Variants in ZFHX3 observed in about 807,000 individuals in gnomAD.
ZFHX3 encodes the protein zinc finger homeobox 3.
In ZFHX3, 42 loss-of-function variants were observed where a neutral mutation model predicts 279.1. The ratio of observed to expected loss-of-function variants is 0.15; its 90% CI spans 0.12 to 0.19. The LOEUF is 0.19. ZFHX3 is among the 10% of genes least tolerant of loss of function. ZFHX3 has a pLI of 1.00. For synonymous variants in ZFHX3, 2,293 were observed against 1,957.8 expected, an observed-to-expected ratio of 1.17 and a Z score of -4.52; for missense variants, 4,981 against 4,754.0, an observed-to-expected ratio of 1.05 and a Z score of -1.40.
rs529255176 is a variant in ZFHX3, at chr16:72,806,605, C to T, written c.3864+4972G>A. ...GAGCTGGTACCCAGGTGGGTGCAAC[C>T]GCCCCCAGGCCAGTGGCTGCCCTAG... is the stretch of plus-strand genomic sequence containing the variant. On this transcript the variant is annotated intron_variant, in intron 7 of 9. Coordinates refer to ENST00000268489, the MANE Select transcript of ZFHX3 (RefSeq NM_006885.4). 1.4e-4 allele frequency among the ~76,000 whole-genome samples: 21 copies of T among 152,188 alleles called. No individual in the cohort carries two copies. The South Asian group carries it at 2.5e-3, about 18-fold the overall frequency.
chr16:73,718,509 A>G (rs920924463), intron 1 of ZFHX3, among the ~76,000 whole-genome samples: 1 of 152,176 alleles, frequency 6.6e-6, no homozygotes, highest in Non-Finnish European at 1.5e-5. Context: ...ATTTAGAGGG[A>G]CTAAAATCTA....
intron 1 of ZFHX3, among the ~76,000 whole-genome samples, chr16:73,039,116 T>TG (rs1302238735): frequency 3.1e-5 from 4 of 130,748 alleles, no homozygotes; most frequent in African/African-American, 1.1e-4. Flanking sequence ...GCCTAGCTAA[T>TG]TAAAAAAAAA....
chr16:73,056,998 G>C (rs981064236), intron 1 of ZFHX3, among the ~76,000 whole-genome samples: 4 of 152,110 alleles, frequency 2.6e-5, no homozygotes, highest in African/African-American at 9.7e-5. Context: ...ACAGCCAAGC[G>C]ATCACCGTCT....
upstream of ZFHX3, among the ~76,000 whole-genome samples, chr16:73,051,137 C>T (rs1965442548): frequency 2.6e-5 from 4 of 152,314 alleles, no homozygotes; most frequent in South Asian, 4.1e-4. Context: ...CACAGTACAG[C>T]GGGTTTAGAC....
At chr16:72,976,885 G>C (rs1962371986) in intron 1 of ZFHX3, among the ~76,000 whole-genome samples, 1 of 151,616 alleles carries the variant, frequency 6.6e-6, no homozygotes, top group Non-Finnish European at 1.5e-5. Flanking sequence ...AACTCCGCCA[G>C]TGCCCCGGGA....
intron 3 of ZFHX3, among the ~76,000 whole-genome samples, chr16:73,433,319 C>G (rs903953466): frequency 2.0e-5 from 3 of 152,188 alleles, no homozygotes; most frequent in African/African-American, 4.8e-5. Context: ...CCATTAGTCA[C>G]TTGCTTGAGG....
chr16:73,689,543 C>T (rs2053125412), intron 1 of ZFHX3, among the ~76,000 whole-genome samples: 1 of 152,170 alleles, frequency 6.6e-6, no homozygotes, highest in Admixed American at 6.5e-5. Flanking sequence ...CTTCCTCTTG[C>T]CCCTCCCCCC....
chr16:73,401,193 G>C (rs528719433), intron 3 of ZFHX3: 2 of 152,170 alleles, frequency 1.3e-5, no homozygotes, highest in East Asian at 3.9e-4. Context: ...GGCAGGGCTT[G>C]TGAAATTGCT....
intron 7 of ZFHX3, among the ~76,000 whole-genome samples, chr16:73,097,002 G>C (rs75528101): frequency 0.069 from 10,504 of 151,838 alleles, 1,110 homozygotes; most frequent in African/African-American, 0.22. Flanking sequence ...TTTTTTCTTT[G>C]CATCTCATCT....
At chr16:72,935,994 G>A (rs184631973) in intron 3 of ZFHX3, among the ~76,000 whole-genome samples, 33 of 152,272 alleles carry the variant, frequency 2.2e-4, no homozygotes, top group African/African-American at 6.0e-4. Flanking sequence ...GAATTTGGGC[G>A]GACAGAGCCG....
chr16:73,668,732 C>G (rs1781679889), intron 2 of ZFHX3, among the ~76,000 whole-genome samples: 1 of 151,794 alleles, frequency 6.6e-6, no homozygotes, highest in South Asian at 2.1e-4. Flanking sequence ...AAAAAACAAC[C>G]CCATCAAAAA....
chr16:73,636,844 TA>T (rs2052531149), intron 2 of ZFHX3, among the ~76,000 whole-genome samples: 1 of 152,170 alleles, frequency 6.6e-6, no homozygotes, highest in African/African-American at 2.4e-5. Flanking sequence ...AATTAATCTA[TA>T]ACTTTAGTAT....
chr16:73,740,615 C>A (rs1263680777), intron 1 of ZFHX3, among the ~76,000 whole-genome samples: 1 of 152,118 alleles, frequency 6.6e-6, no homozygotes, highest in Non-Finnish European at 1.5e-5. Flanking sequence ...GCTTTGAATG[C>A]CCTACAAAAA....
Position 72,787,638 on chromosome 16 carries a change from T to A in ZFHX3, c.10638A>T (p.Gln3546His). Residue 3546 changes from glutamine to histidine, a missense_variant, in exon 10 of 10, where the codon CAA becomes CAT. Physicochemically the swap from Gln to His is conservative, Grantham distance 24. Coordinates refer to ENST00000268489, the MANE Select transcript of ZFHX3 (RefSeq NM_006885.4). ...SALCGEEALS[Q>H]HLESALHKHR... ...GTTTGTGCAAGGCCGACTCGAGATG[T>A]TGACTCAGAGCTTCCTCCCCACAGA... 6.2e-7 allele frequency: 1 copy of A among 1,612,180 alleles called. No homozygotes were observed. Among genetic ancestry groups the A allele is most frequent in the East Asian group, 2.2e-5 (1 of 44,652 alleles).
intron 4 of ZFHX3, among the ~76,000 whole-genome samples, chr16:72,864,222 T>C (rs955170479): frequency 2.6e-5 from 4 of 152,180 alleles, no homozygotes; most frequent in African/African-American, 7.2e-5. Flanking sequence ...CTGACCCTTA[T>C]ATTTTTTTCT....
intron 2 of ZFHX3, among the ~76,000 whole-genome samples, chr16:73,483,712 T>G (rs1211675894): frequency 6.6e-6 from 1 of 152,050 alleles, no homozygotes; most frequent in Non-Finnish European, 1.5e-5. Flanking sequence ...TATGCAAATA[T>G]CGACAAAGGC....
chr16:73,421,852 C>T (rs984231480), intron 3 of ZFHX3, among the ~76,000 whole-genome samples: 19 of 152,128 alleles, frequency 1.2e-4, no homozygotes, highest in Admixed American at 1.0e-3. Flanking sequence ...TGAGGCAAAG[C>T]CCTGCCTTGA....
At chr16:73,146,424 C>G (rs964880071) in intron 5 of ZFHX3, among the ~76,000 whole-genome samples, 1 of 143,346 alleles carries the variant, frequency 7.0e-6, no homozygotes, top group Non-Finnish European at 1.5e-5. Flanking sequence ...GAGACTCCAT[C>G]TCAAAAGAAA....
chr16:73,458,978 A>T (rs2143576626), intron 2 of ZFHX3, among the ~76,000 whole-genome samples: 1 of 152,090 alleles, frequency 6.6e-6, no homozygotes, highest in East Asian at 1.9e-4. Context: ...AGTTAATGAA[A>T]CTCTTCCATC....
Sources: allele counts gnomAD v4.1 joint callset (sites outside exome capture counted in the v4.1 genomes callset), GRCh38; gene constraint gnomAD v4.1.1; transcripts MANE v1.5; gene names NCBI Gene and HGNC (gene_info 2026-07-23, HGNC 2026-07-21).